Variants in GALNT18 observed in about 807,000 individuals in gnomAD.
The protein encoded by GALNT18 is polypeptide N-acetylgalactosaminyltransferase 18.
Under a neutral mutation model 69.5 loss-of-function variants are expected in GALNT18, and 44 were observed. The observed-to-expected ratio is 0.63, with a 90% CI of 0.50 to 0.81. GALNT18 has a LOEUF of 0.81. Ranked by LOEUF, GALNT18 falls within the 40% of genes least tolerant of loss-of-function variation. GALNT18 has a pLI of 0.00. For missense variants in GALNT18, 715 were observed against 810.0 expected, an observed-to-expected ratio of 0.88 and a Z score of 1.42; for synonymous variants, 364 against 318.2, an observed-to-expected ratio of 1.14 and a Z score of -1.53.
At chr11:11,285,066 G>T (rs1849167470) in intron 10 of GALNT18, among the ~76,000 whole-genome samples, 1 of 152,064 alleles carries the variant, frequency 6.6e-6, no homozygotes, top group South Asian at 2.1e-4. Flanking sequence ...GTAGAGAGGG[G>T]TTATGGAGAC....
intron 1 of GALNT18, among the ~76,000 whole-genome samples, chr11:11,572,850 G>GA (rs1389765855): frequency 3.3e-5 from 5 of 152,218 alleles, no homozygotes; most frequent in African/African-American, 1.2e-4. Context: ...TTGCCATTTT[G>GA]AATTGCCAAG....
At chr11:11,611,959 T>C (rs1162854759) in intron 1 of GALNT18, among the ~76,000 whole-genome samples, 2 of 152,312 alleles carry the variant, frequency 1.3e-5, no homozygotes, top group East Asian at 3.9e-4. Context: ...AGCCCCTGCC[T>C]GGCCTCCCAT....
At chr11:11,288,796 G>A (rs1303535047) in intron 10 of GALNT18, among the ~76,000 whole-genome samples, 1 of 152,114 alleles carries the variant, frequency 6.6e-6, no homozygotes, top group South Asian at 2.1e-4. Flanking sequence ...TATTTTATTT[G>A]TTAAGCAGAA....
chr11:11,612,476 G>A (rs931171250), intron 1 of GALNT18, among the ~76,000 whole-genome samples: 1 of 152,196 alleles, frequency 6.6e-6, no homozygotes, highest in Non-Finnish European at 1.5e-5. Flanking sequence ...ATTGGCCTAA[G>A]CAATTTTGGT....
intron 1 of GALNT18, among the ~76,000 whole-genome samples, chr11:11,517,494 T>C (rs1484959582): frequency 6.6e-6 from 1 of 152,236 alleles, no homozygotes; most frequent in Non-Finnish European, 1.5e-5. Context: ...TGCACATATA[T>C]GGACTTAATT....
intron 9 of GALNT18, among the ~76,000 whole-genome samples, chr11:11,308,028 A>T (rs769417963): frequency 5.9e-5 from 9 of 152,160 alleles, no homozygotes; most frequent in Admixed American, 1.3e-4. Context: ...TGATTCTGAT[A>T]CCCACTTCCT....
intron 6 of GALNT18, among the ~76,000 whole-genome samples, chr11:11,370,135 A>C (rs963835402): frequency 6.6e-6 from 1 of 152,212 alleles, no homozygotes; most frequent in Non-Finnish European, 1.5e-5. Flanking sequence ...GATGGATGAC[A>C]TAAGTGCCAG....
At chr11:11,354,995 A>T (rs1490289265) in intron 6 of GALNT18, among the ~76,000 whole-genome samples, 1 of 151,992 alleles carries the variant, frequency 6.6e-6, no homozygotes, top group Non-Finnish European at 1.5e-5. Context: ...GAATTTAATC[A>T]CTTCTCTCCA....
intron 6 of GALNT18, among the ~76,000 whole-genome samples, chr11:11,351,575 T>C (rs1199114297): frequency 3.3e-5 from 5 of 152,218 alleles, no homozygotes; most frequent in Middle Eastern, 3.4e-3. Flanking sequence ...CAAAACCCTA[T>C]AGAAGCCCCA....
chr11:11,495,780 C>T (rs112679782), intron 1 of GALNT18, among the ~76,000 whole-genome samples: 4,612 of 152,240 alleles, frequency 0.03, 151 homozygotes, highest in African/African-American at 0.088. Flanking sequence ...GAAGCGGTAG[C>T]AGAGGCTCTC....
chr11:11,274,388 G>A (rs1848893310), intron 10 of GALNT18, among the ~76,000 whole-genome samples: 1 of 152,166 alleles, frequency 6.6e-6, no homozygotes, highest in Non-Finnish European at 1.5e-5. Flanking sequence ...GGAGCCAAGT[G>A]GTCTGGATCA....
chr11:11,557,635 G>T (rs989769628), intron 1 of GALNT18, among the ~76,000 whole-genome samples: 2 of 152,162 alleles, frequency 1.3e-5, no homozygotes, highest in African/African-American at 4.8e-5. Flanking sequence ...TGTGGCACAC[G>T]CTGAGCACTC....
At position 11,587,256 on chromosome 11, in the gene GALNT18, T is replaced by C. The variant is rs1471777593; in HGVS notation, c.235+34103A>G. ...GAATATCAACCTTCACTGGCTCACT[T>C]TCTCAGAAATGAGGAAACTTGGAGG... On this transcript the variant is annotated intron_variant, in intron 1 of 10. Coordinates refer to ENST00000227756, the MANE Select transcript of GALNT18 (RefSeq NM_198516.3). The surrounding 1 kb of genome is among the most constrained non-coding windows in gnomAD (Gnocchi z 4.4). Among the ~76,000 whole-genome samples the C allele has an allele frequency of 6.6e-6, 1 of 152,224 alleles. No individual in the cohort carries two copies. The highest frequency in any genetic ancestry group is 6.5e-5 in the Admixed American group (1 of 15,286).
chr11:11,525,668 T>G (rs1317176917), intron 1 of GALNT18, among the ~76,000 whole-genome samples: 1 of 148,924 alleles, frequency 6.7e-6, no homozygotes, highest in African/African-American at 2.5e-5. Flanking sequence ...GAGTTTCGCT[T>G]TTGTTGCCCA....
intron 1 of GALNT18, among the ~76,000 whole-genome samples, chr11:11,547,567 C>G (rs1203030063): frequency 6.6e-6 from 1 of 152,180 alleles, no homozygotes; most frequent in African/African-American, 2.4e-5. Flanking sequence ...CAGGAAGCCC[C>G]TCTTTGATAC....
intron 9 of GALNT18, among the ~76,000 whole-genome samples, chr11:11,316,085 A>G (rs1365326710): frequency 6.6e-6 from 1 of 152,158 alleles, no homozygotes; most frequent in Non-Finnish European, 1.5e-5. Flanking sequence ...GCTGGAGGTG[A>G]CCAGAAAAAG....
chr11:11,437,685 C>T (rs968004430), intron 2 of GALNT18, among the ~76,000 whole-genome samples: 3 of 147,388 alleles, frequency 2.0e-5, no homozygotes, highest in Non-Finnish European at 4.4e-5. Context: ...AGACCCTCCC[C>T]TCTTTGACCT....
At position 11,421,623 on chromosome 11, in the gene GALNT18, G is replaced by C. The variant is rs914788755; in HGVS notation, c.595+10998C>G. Among the ~76,000 whole-genome samples the C allele has an allele frequency of 1.3e-5, 2 of 152,166 alleles. No individual in the cohort carries two copies. Among genetic ancestry groups the C allele is most frequent in the Non-Finnish European group, 2.9e-5 (2 of 68,034 alleles). On this transcript the variant is annotated intron_variant, in intron 3 of 10. Transcript: ENST00000227756. The surrounding 1 kb of genome is among the most constrained non-coding windows in gnomAD (Gnocchi z 5.6). ...GCAGGCCAAACGCAGGACCAATGCA[G>C]AGAAGGTTGGGGAAAGCTGGGGTTG...
chr11:11,499,403 C>A (rs1216480083), intron 1 of GALNT18, among the ~76,000 whole-genome samples: 2 of 152,042 alleles, frequency 1.3e-5, no homozygotes, highest in Non-Finnish European at 2.9e-5. Flanking sequence ...TTCCCCACTG[C>A]CCTCCCACCC....
Sources: allele counts gnomAD v4.1 joint callset (sites outside exome capture counted in the v4.1 genomes callset), GRCh38; gene constraint gnomAD v4.1.1; non-coding constraint Gnocchi (gnomAD v3.1); transcripts MANE v1.5; gene names NCBI Gene and HGNC (gene_info 2026-07-23, HGNC 2026-07-21).